The following PCDHB11 variants were observed in gnomAD, a reference collection of about 807,000 sequenced individuals.
PCDHB11 encodes the protein protocadherin beta-11.
For synonymous variants in PCDHB11, 522 were observed against 442.0 expected, an observed-to-expected ratio of 1.18 and a Z score of -2.27; for missense variants, 1,151 against 1,003.4, an observed-to-expected ratio of 1.15 and a Z score of -1.99.
Position 141,200,614 on chromosome 5 carries a change from C to T in PCDHB11, c.840C>T (p.Thr280=), listed in dbSNP as rs1474296649. The T allele has an allele frequency of 8.1e-6, 13 of 1,614,056 alleles. No individual in the cohort carries two copies. Among genetic ancestry groups the T allele is most frequent in the African/African-American group, 2.7e-5 (2 of 74,918 alleles). The change falls in exon 1 of 1, where the codon ACC becomes ACT. Residue 280 remains threonine, a synonymous_variant. Coordinates refer to ENST00000354757, the MANE Select transcript of PCDHB11 (RefSeq NM_018931.3). ...GAACAAATGGTGAAATATGCTATAC[C>T]TTTTCCCATGCCTCAGAAGATATTC... ...DSGTNGEICY[T]FSHASEDIRK...
chr5:141,202,222 A>G lies in PCDHB11; in HGVS notation c.*54A>G, dbSNP rs1754221159. ...TTTTTTAGTTTTATGTAACCATATC[A>G]ATATTATTTAGTCTTAAACTAGTTA... On this transcript the variant is annotated 3_prime_UTR_variant, in exon 1 of 1. Coordinates refer to ENST00000354757, the MANE Select transcript of PCDHB11 (RefSeq NM_018931.3). The G allele has an allele frequency of 7.1e-7, 1 of 1,406,242 alleles. No homozygotes were observed. 87.1% of individuals were successfully genotyped at this position (1,406,242 alleles called of 1,614,324 possible).
Position 141,199,846 on chromosome 5 carries a change from T to A in PCDHB11, c.72T>A (p.Ser24=), listed in dbSNP as rs1554285158. The change falls in exon 1 of 1, where the codon TCT becomes TCA. Residue 24 remains serine, a synonymous_variant. Transcript: ENST00000354757. ...VLLLFVLLGM[S]QAGSETWSFS... ...TTCTCTTTGTTTTGCTCGGAATGTC[T>A]CAGGCGGGCTCTGAAACCTGGAGCT... 1 of 1,614,050 alleles carries A rather than the reference T, an allele frequency of 6.2e-7. No individual in the cohort carries two copies. The highest frequency in any genetic ancestry group is 8.5e-7 in the Non-Finnish European group (1 of 1,180,040).
rs1458585290 is a variant in PCDHB11 at position 141,202,301 on chromosome 5, A to G, written c.*133A>G. On this transcript the variant is annotated 3_prime_UTR_variant, in exon 1 of 1. Transcript: ENST00000354757. ...TTTTAATTTTTTCTTTTCTCCCCCA[A>G]TTTTTTTTTTTTTTTTGAGACCGAG... is the stretch of plus-strand genomic sequence containing the variant. The G allele has an allele frequency of 1.5e-6, 1 of 671,418 alleles. No individual in the cohort carries two copies. The highest frequency in any genetic ancestry group is 3.4e-5 in the East Asian group (1 of 29,368). 41.6% of individuals were successfully genotyped at this position (671,418 alleles called of 1,614,324 possible).
At position 141,201,808 on chromosome 5, in the gene PCDHB11, G is replaced by C. The variant is rs1554285710; in HGVS notation, c.2034G>C (p.Pro678=). The part of the protein sequence containing the change: ...QPYLPLPEAA[P]AQAQADSLTV... ...ACCTGCCGCTCCCTGAGGCGGCACC[G>C]GCCCAGGCCCAGGCCGACTCGCTCA... Residue 678 remains proline, a synonymous_variant, in exon 1 of 1, where the codon CCG becomes CCC. Coordinates refer to ENST00000354757, the MANE Select transcript of PCDHB11 (RefSeq NM_018931.3). 2.5e-6 allele frequency: 4 copies of C among 1,610,276 alleles called. No homozygotes were observed. Among genetic ancestry groups the C allele is most frequent in the East Asian group, 2.2e-5 (1 of 44,868 alleles).
Position 141,201,194 on chromosome 5 carries a change from A to C in PCDHB11, c.1420A>C (p.Ser474Arg). 3 of 1,613,322 alleles carry C rather than the reference A, an allele frequency of 1.9e-6. No homozygotes were observed. Among genetic ancestry groups the C allele is most frequent in the Non-Finnish European group, 2.5e-6 (3 of 1,180,022 alleles). The change falls in exon 1 of 1, where the codon AGC (serine) becomes CGC (arginine). Residue 474 changes from serine to arginine, a missense_variant. Ser to Arg is a moderately radical substitution (Grantham distance 110). Transcript: ENST00000354757. ...CCCCGCCCTGCACATCGGCAGTGTC[A>C]GCGCTACAGACAGAGACTCAGGCAC... Reference protein sequence around the residue: ...NSPALHIGSVSATDRDSGTNA... With the variant: ...NSPALHIGSVRATDRDSGTNA...
In PCDHB11 at chr5:141,200,460, GGGT is replaced by G; in HGVS notation, c.693_695del (p.Val233del). 6.2e-7 allele frequency: 1 copy of G among 1,614,158 alleles called. No homozygotes were observed. Among genetic ancestry groups the G allele is most frequent in the South Asian group, 1.1e-5 (1 of 91,084 alleles). On this transcript the variant is annotated inframe_deletion, in exon 1 of 1. Coordinates refer to ENST00000354757, the MANE Select transcript of PCDHB11 (RefSeq NM_018931.3). ...CCCAGGTCTGGAACTGCCTTGGTCAGGGTGGTGGTTGTGGACATTAATGACAAC... is the reference window on the plus strand; with the variant it reads ...CCCAGGTCTGGAACTGCCTTGGTCAGGGTGGTTGTGGACATTAATGACAAC...
Position 141,200,180 on chromosome 5 carries a change from A to G in PCDHB11, c.406A>G (p.Lys136Glu). The G allele has an allele frequency of 6.2e-7, 1 of 1,614,180 alleles. No homozygotes were observed. Among genetic ancestry groups the G allele is most frequent in the Non-Finnish European group, 8.5e-7 (1 of 1,180,046 alleles). Residue 136 changes from lysine (K) to glutamate (E), a missense_variant, in exon 1 of 1, where the codon AAA (lysine) becomes GAA (glutamate). By Grantham distance (56) the Lys-to-Glu change is moderately conservative. Transcript: ENST00000354757. ...TGATCACTCTCCCATCTTCTCGGAA[A>G]AACAAATGCTCCTAGAAATCCCAGA... ...INDHSPIFSE[K>E]QMLLEIPENS...
Position 141,200,853 on chromosome 5 carries a change from C to T in PCDHB11, c.1079C>T (p.Thr360Met), listed in dbSNP as rs112871983. The T allele has an allele frequency of 1.2e-6, 2 of 1,614,152 alleles. No homozygotes were observed. Among genetic ancestry groups the T allele is most frequent in the South Asian group, 1.1e-5 (1 of 91,090 alleles). The change falls in exon 1 of 1, where the codon ACG becomes ATG. Residue 360 changes from threonine (T) to methionine (M), a missense_variant. By Grantham distance (81) the Thr-to-Met change is moderately conservative (BLOSUM62 -1). Transcript: ENST00000354757. The stretch of plus-strand genomic sequence containing the variant: ...ATTACCAGTCCAATCCCAGAAAATA[C>T]GCCAGAGACCGTGGTTATGGTTTTT... ...SSITSPIPEN[T>M]PETVVMVFSI...
Position 141,200,488 on chromosome 5 carries a change from C to T in PCDHB11, c.714C>T (p.Asn238=), listed in dbSNP as rs1554285297. Residue 238 remains asparagine (N), a synonymous_variant, in exon 1 of 1, where the codon AAC becomes AAT. Transcript: ENST00000354757. ...VRVVVVDIND[N]SPEFEQAFYE... is the part of the protein sequence containing the mutation. ...TGGTGGTTGTGGACATTAATGACAA[C>T]TCCCCTGAATTTGAGCAGGCTTTTT... 2 of 1,614,132 alleles carry T rather than the reference C, an allele frequency of 1.2e-6. No individual in the cohort carries two copies. Among genetic ancestry groups the T allele is most frequent in the South Asian group, 2.2e-5 (2 of 91,068 alleles).
chr5:141,199,769 G>T lies in PCDHB11; in HGVS notation c.-6G>T, dbSNP rs1173580769. ...CTTTCTTCAAGAAGCCTACAAGAAA[G>T]GAACTATGGAGAACCAAGGGACACG... is the stretch of plus-strand genomic sequence containing the variant. On this transcript the variant is annotated 5_prime_UTR_variant, in exon 1 of 1. The change creates a new upstream start codon in the 5' untranslated region. Transcript: ENST00000354757. The T allele has an allele frequency of 6.2e-7, 1 of 1,610,042 alleles. No homozygotes were observed. The highest frequency in any genetic ancestry group is 1.1e-5 in the South Asian group (1 of 90,790).
In PCDHB11 at chr5:141,200,656, T is replaced by C. The variant is rs1554285358; in HGVS notation, c.882T>C (p.Ile294=). 4 of 1,614,104 alleles carry C rather than the reference T, an allele frequency of 2.5e-6. No individual in the cohort carries two copies. The highest frequency in any genetic ancestry group is 3.4e-6 in the Non-Finnish European group (4 of 1,180,052). ...ASEDIRKTFE[I]NQKSGEITLR... ...AAGATATTCGCAAGACATTTGAAATTAATCAAAAGTCTGGAGAAATTACTT... is the reference window on the plus strand; with the variant it reads ...AAGATATTCGCAAGACATTTGAAATCAATCAAAAGTCTGGAGAAATTACTT... Residue 294 remains isoleucine (I), a synonymous_variant, in exon 1 of 1, where the codon ATT becomes ATC. Coordinates refer to ENST00000354757, the MANE Select transcript of PCDHB11 (RefSeq NM_018931.3).
chr5:141,201,025 C>T lies in PCDHB11; in HGVS notation c.1251C>T (p.Tyr417=). The change falls in exon 1 of 1, where the codon TAC becomes TAT. Residue 417 remains tyrosine, a synonymous_variant. Coordinates refer to ENST00000354757, the MANE Select transcript of PCDHB11 (RefSeq NM_018931.3). ...RPLDRESTAE[Y]NITITVTDLG... ...TGGACAGAGAGAGCACAGCCGAGTA[C>T]AATATCACCATCACCGTCACCGACT... 6.2e-7 allele frequency: 1 copy of T among 1,614,188 alleles called. No individual in the cohort carries two copies. The highest frequency in any genetic ancestry group is 1.1e-5 in the South Asian group (1 of 91,076).
rs149277755 is a variant in PCDHB11 at position 141,199,964 on chromosome 5, G to T, written c.190G>T (p.Ala64Ser). ...GGTGAGAGAACTGTCCTCACGGGGG[G>T]CTCGGGTGGTCTCTAATGATAAGAA... ...LKVRELSSRGARVVSNDKKQR... is the reference protein window; with the variant it reads ...LKVRELSSRGSRVVSNDKKQR... Residue 64 changes from alanine to serine, a missense_variant, in exon 1 of 1, where the codon GCT becomes TCT. Ala to Ser is a moderately conservative substitution (Grantham distance 99). Coordinates refer to ENST00000354757, the MANE Select transcript of PCDHB11 (RefSeq NM_018931.3). The T allele has an allele frequency of 6.8e-6, 11 of 1,614,062 alleles. No individual in the cohort carries two copies. In the Admixed American group the frequency reaches 1.0e-4, roughly 15 times the overall value.
In PCDHB11 at chr5:141,201,042, T is replaced by A; in HGVS notation, c.1268T>A (p.Val423Asp). ...STAEYNITIT[V>D]TDLGIPRLKT... ...GCCGAGTACAATATCACCATCACCG[T>A]CACCGACTTGGGGATACCCAGGCTG... is the stretch of plus-strand genomic sequence containing the variant. Residue 423 changes from valine (V) to aspartate (D), a missense_variant, in exon 1 of 1, where the codon GTC (valine) becomes GAC (aspartate). Transcript: ENST00000354757. 1 of 1,614,150 alleles carries A rather than the reference T, an allele frequency of 6.2e-7. No homozygotes were observed. The highest frequency in any genetic ancestry group is 8.5e-7 in the Non-Finnish European group (1 of 1,180,036).
In PCDHB11 at chr5:141,199,793, C is replaced by G; in HGVS notation, c.19C>G (p.Arg7Gly). The G allele has an allele frequency of 6.2e-7, 1 of 1,614,124 alleles. No homozygotes were observed. Among genetic ancestry groups the G allele is most frequent in the South Asian group, 1.1e-5 (1 of 91,072 alleles). The change falls in exon 1 of 1, where the codon CGC becomes GGC. Residue 7 changes from arginine (R) to glycine (G), a missense_variant. Arg to Gly is a moderately radical substitution (Grantham distance 125). Coordinates refer to ENST00000354757, the MANE Select transcript of PCDHB11 (RefSeq NM_018931.3). MENQGT[R>G]TQQIRQVLLL... ...AGGAACTATGGAGAACCAAGGGACA[C>G]GCACTCAGCAGATAAGGCAAGTCCT... is the stretch of plus-strand genomic sequence containing the variant.
Position 141,201,430 on chromosome 5 carries a change from G to A in PCDHB11, c.1656G>A (p.Leu552=), listed in dbSNP as rs1754186647. 1 of 1,611,732 alleles carries A rather than the reference G, an allele frequency of 6.2e-7. No individual in the cohort carries two copies. Among genetic ancestry groups the A allele is most frequent in the Admixed American group, 1.7e-5 (1 of 59,996 alleles). ...SSEALVRVLV[L]DANDNSPFVL... ...AGGCGCTGGTGCGCGTGCTGGTGCTGGACGCCAACGACAACTCGCCCTTCG... is the reference window on the plus strand; with the variant it reads ...AGGCGCTGGTGCGCGTGCTGGTGCTAGACGCCAACGACAACTCGCCCTTCG... Residue 552 remains leucine, a synonymous_variant, in exon 1 of 1, where the codon CTG becomes CTA. Coordinates refer to ENST00000354757, the MANE Select transcript of PCDHB11 (RefSeq NM_018931.3).
chr5:141,200,529 G>C lies in PCDHB11; in HGVS notation c.755G>C (p.Arg252Pro), dbSNP rs369767792. The C allele has an allele frequency of 6.2e-7, 1 of 1,614,040 alleles. No individual in the cohort carries two copies. The highest frequency in any genetic ancestry group is 1.3e-5 in the African/African-American group (1 of 74,900). Residue 252 changes from arginine (R) to proline (P), a missense_variant, in exon 1 of 1, where the codon CGG becomes CCG. Coordinates refer to ENST00000354757, the MANE Select transcript of PCDHB11 (RefSeq NM_018931.3). ...FEQAFYEVKIRENSILGSLIL... is the reference protein window; with the variant it reads ...FEQAFYEVKIPENSILGSLIL... Reference sequence around the variant, plus strand: ...CAGGCTTTTTATGAGGTGAAGATTCGGGAGAATAGCATCCTTGGCTCGCTG... The same window carrying C: ...CAGGCTTTTTATGAGGTGAAGATTCCGGAGAATAGCATCCTTGGCTCGCTG...
chr5:141,200,550 CG>C lies in PCDHB11; in HGVS notation c.777del (p.Leu260Ter). 1 of 1,614,098 alleles carries C rather than the reference CG, an allele frequency of 6.2e-7. No homozygotes were observed. The highest frequency in any genetic ancestry group is 8.5e-7 in the Non-Finnish European group (1 of 1,180,042). On this transcript the variant is annotated frameshift_variant, in exon 1 of 1. Transcript: ENST00000354757. LOFTEE classifies it low-confidence loss of function (END_TRUNC). ...VKIRENSILGSLILIVSAWDL... is the reference protein window; with the variant it reads ...VKIRENSILGXLILIVSAWDL... The stretch of plus-strand genomic sequence containing the variant: ...ATTCGGGAGAATAGCATCCTTGGCT[CG>C]CTGATTTTGATTGTCTCAGCTTGGG...
chr5:141,202,446 C>T lies in PCDHB11; in HGVS notation c.*278C>T, dbSNP rs575962818. 149 of 244,228 alleles carry T rather than the reference C, an allele frequency of 6.1e-4. No individual in the cohort carries two copies. Among genetic ancestry groups the T allele is most frequent in the Non-Finnish European group, 9.8e-4 (127 of 129,314 alleles). 15.1% of individuals were successfully genotyped at this position (244,228 alleles called of 1,614,324 possible). A position where few individuals can be genotyped will look rare whatever the true frequency, so the allele number is the denominator to read the frequency against. On this transcript the variant is annotated 3_prime_UTR_variant, in exon 1 of 1. Transcript: ENST00000354757. ...TCCCGAGTAGCTGGCATTACAGGCG[C>T]CCACCACCACGCTCGGCTAAATTTT...
Sources: gnomAD v4.1 joint callset for allele counts on GRCh38, gnomAD v4.1.1 for gene constraint, MANE v1.5 for transcripts, NCBI Gene and HGNC (gene_info 2026-07-23, HGNC 2026-07-21) for gene names.